CDH4: variants seen among roughly 807,000 people sequenced by gnomAD.
The protein encoded by CDH4 is cadherin 4, also known as cadherin-4.
CDH4 carries 33 observed loss-of-function variants against 86.0 expected under a neutral mutation model. The observed-to-expected ratio is 0.38, with a 90% confidence interval of 0.29 to 0.51. The LOEUF (loss-of-function observed/expected upper bound fraction) is 0.51, where lower values mean the gene tolerates loss of function less well. Ranked by LOEUF, CDH4 falls within the 20% of genes least tolerant of loss-of-function variation. The probability of loss-of-function intolerance (pLI) is 0.86; values close to 1 mark genes in which losing one functional copy is unlikely to be tolerated. For synonymous variants in CDH4, 555 were observed against 549.4 expected (o/e 1.01, Z -0.14); for missense variants, 1,114 against 1,307.4 (o/e 0.85, Z 2.28).
chr20:61,655,836 A>G (rs1474527747), intron 2 of CDH4, among the ~76,000 whole-genome samples: 1 of 152,228 alleles, frequency 6.6e-6, no homozygotes, highest in African/African-American at 2.4e-5. Context: ...TATCACCTGC[A>G]TGCAGTCGGT....
chr20:61,701,526 A>G (rs561292707), intron 2 of CDH4, among the ~76,000 whole-genome samples: 7 of 152,198 alleles, frequency 4.6e-5, no homozygotes, highest in Non-Finnish European at 1.0e-4. Flanking sequence ...GGACATGCCC[A>G]TCCTCACTGG....
chr20:61,773,970 C>T (rs1444855955), intron 4 of CDH4, among the ~76,000 whole-genome samples: 6 of 152,194 alleles, frequency 3.9e-5, no homozygotes, highest in Non-Finnish European at 7.3e-5. Context: ...GAGCAGCCAC[C>T]AGGCAGGGTC....
intron 2 of CDH4, among the ~76,000 whole-genome samples, chr20:61,375,499 TTGGTGGTGGTG>T (rs2084862125): frequency 6.6e-6 from 1 of 150,898 alleles, no homozygotes; most frequent in African/African-American, 2.4e-5. Flanking sequence ...TGTGATTGTC[TTGGTGGTGGTG>T]ATGATGGTGT....
chr20:61,722,064 T>C (rs1049554681), intron 2 of CDH4, among the ~76,000 whole-genome samples: 1 of 152,120 alleles, frequency 6.6e-6, no homozygotes, highest in African/African-American at 2.4e-5. Flanking sequence ...CAAACTGAGA[T>C]TGCACAGAGA....
chr20:61,716,529 A>G (rs2087956689), intron 2 of CDH4, among the ~76,000 whole-genome samples: 1 of 152,232 alleles, frequency 6.6e-6, no homozygotes, highest in African/African-American at 2.4e-5. Context: ...GGCACCCACT[A>G]AGGTAATCCC....
chr20:61,678,543 T>A (rs1435745103), intron 2 of CDH4, among the ~76,000 whole-genome samples: 1 of 152,146 alleles, frequency 6.6e-6, no homozygotes, highest in Admixed American at 6.5e-5. Flanking sequence ...AGCAACGCAG[T>A]TTCTGGGTGC....
At position 61,573,330 on chromosome 20, in the gene CDH4, C is replaced by A. The variant is rs570219772; in HGVS notation, c.170-170233C>A. Among the ~76,000 whole-genome samples the A allele has an allele frequency of 5.3e-5, 8 of 152,350 alleles. No homozygotes were observed. The South Asian group carries it at 1.7e-3, about 32-fold the overall frequency. ...CACAGTCCCTGGCCTGGTGGATGCC[C>A]ATGGCTCTTATTGGCATTTGCCTTG... On this transcript the variant is annotated intron_variant, in intron 2 of 15. Coordinates refer to ENST00000614565, the MANE Select transcript of CDH4 (RefSeq NM_001794.5).
intron 2 of CDH4, among the ~76,000 whole-genome samples, chr20:61,476,048 GCACAGGAA>G (rs1480329025): frequency 6.6e-6 from 1 of 152,154 alleles, no homozygotes; most frequent in African/African-American, 2.4e-5. Context: ...CCTATTGGAC[GCACAGGAA>G]TAACAGTAGT....
At chr20:61,349,693 C>T (rs536229232) in intron 2 of CDH4, among the ~76,000 whole-genome samples, 2 of 152,288 alleles carry the variant, frequency 1.3e-5, no homozygotes, top group South Asian at 4.1e-4. Flanking sequence ...GAGGCACGCC[C>T]TTGTGTTATA....
At chr20:61,670,722 A>G (rs1050748265) in intron 2 of CDH4, among the ~76,000 whole-genome samples, 2 of 152,228 alleles carry the variant, frequency 1.3e-5, no homozygotes, top group East Asian at 3.9e-4. Flanking sequence ...TTCTGTGGCC[A>G]TTCTTATGGG....
rs375995850 is a variant in CDH4 at position 61,934,053 on chromosome 20, C to T, written c.2380-3C>T. The T allele has an allele frequency of 6.2e-7, 1 of 1,610,658 alleles. No individual in the cohort carries two copies. Among genetic ancestry groups the T allele is most frequent in the Admixed American group, 1.7e-5 (1 of 59,960 alleles). On this transcript the variant is annotated splice_polypyrimidine_tract_variant and splice_region_variant and intron_variant, in intron 14 of 15. Transcript: ENST00000614565. ...CCTGACTCCTCCCGGCTCCCTCCCCCAGGACTACGACCTCAGCCAGCTGCA... is the reference window on the plus strand; with the variant it reads ...CCTGACTCCTCCCGGCTCCCTCCCCTAGGACTACGACCTCAGCCAGCTGCA...
At chr20:61,877,522 C>T (rs1001315679) in intron 7 of CDH4, among the ~76,000 whole-genome samples, 1 of 152,174 alleles carries the variant, frequency 6.6e-6, no homozygotes, top group African/African-American at 2.4e-5. Context: ...CGCTGGCGTT[C>T]TCCGCTGTGT....
In CDH4 at chr20:61,431,386, G is replaced by T. The variant is rs1360439719; in HGVS notation, c.169+176449G>T. Among the ~76,000 whole-genome samples, 11 of 147,360 alleles carry T rather than the reference G, an allele frequency of 7.5e-5. No homozygotes were observed. The South Asian group carries it at 2.1e-3, about 29-fold the overall frequency. On this transcript the variant is annotated intron_variant, in intron 2 of 15. Transcript: ENST00000614565. ...TTTTTTTTTTTTTTTTTGAGACAGG[G>T]TCTTGCTATGTTGCCCAGGCTGGAG...
chr20:61,559,390 C>T (rs534641575), intron 2 of CDH4, among the ~76,000 whole-genome samples: 16 of 151,970 alleles, frequency 1.1e-4, no homozygotes, highest in South Asian at 2.1e-4. Context: ...GGGGCTGGAC[C>T]GAAGGGGAGG....
At chr20:61,280,331 G>A (rs1050383199) in intron 2 of CDH4, among the ~76,000 whole-genome samples, 3 of 152,216 alleles carry the variant, frequency 2.0e-5, no homozygotes, top group Admixed American at 6.5e-5. Flanking sequence ...TTCAAACATA[G>A]GCTGTTAGAG....
At chr20:61,872,901 A>G (rs1290821338) in intron 6 of CDH4, among the ~76,000 whole-genome samples, 1 of 152,142 alleles carries the variant, frequency 6.6e-6, no homozygotes, top group East Asian at 1.9e-4. Flanking sequence ...CTCCCAGCAG[A>G]GCTTGGTCCT....
chr20:61,522,240 C>T (rs892642470), intron 2 of CDH4, among the ~76,000 whole-genome samples: 9 of 152,288 alleles, frequency 5.9e-5, no homozygotes, highest in Non-Finnish European at 1.0e-4. Flanking sequence ...CTAGCTTAGC[C>T]CCGGACCCAG....
chr20:61,855,267 A>G (rs1253473149), intron 6 of CDH4, among the ~76,000 whole-genome samples: 2 of 152,190 alleles, frequency 1.3e-5, no homozygotes, highest in Middle Eastern at 3.2e-3. Flanking sequence ...CAGCGTGAAC[A>G]GGGTGAATTG....
intron 2 of CDH4, among the ~76,000 whole-genome samples, chr20:61,565,104 T>TGGTGG (rs2086258826): frequency 1.9e-5 from 1 of 52,130 alleles, no homozygotes; most frequent in Non-Finnish European, 3.9e-5. Context: ...GGTGGTGCTC[T>TGGTGG]TGGTGGTGCT....
Sources: allele counts gnomAD v4.1 joint callset (sites outside exome capture counted in the v4.1 genomes callset), GRCh38; gene constraint gnomAD v4.1.1; transcripts MANE v1.5; gene names NCBI Gene and HGNC (gene_info 2026-07-23, HGNC 2026-07-21).